The following ADGRB3 variants were observed in gnomAD, a reference collection of about 807,000 sequenced individuals.
ADGRB3 encodes the protein adhesion G protein-coupled receptor B3.
In ADGRB3, 37 loss-of-function variants were observed where a neutral mutation model predicts 193.4. The observed-to-expected ratio is 0.19, with a 90% CI of 0.15 to 0.25. The LOEUF is 0.25. Ranked by LOEUF, ADGRB3 falls within the 10% of genes least tolerant of loss-of-function variation. The probability of loss-of-function intolerance (pLI) is 1.00; values close to 1 mark genes in which losing one functional copy is unlikely to be tolerated. For missense variants in ADGRB3, 1,637 were observed against 1,852.9 expected (o/e 0.88, Z 2.14); for synonymous variants, 690 against 644.2 (o/e 1.07, Z -1.08).
intron 20 of ADGRB3, among the ~76,000 whole-genome samples, chr6:69,242,504 G>C (rs1766406731): frequency 6.6e-6 from 1 of 151,892 alleles, no homozygotes; most frequent in Admixed American, 6.6e-5. Context: ...GTACAGAATA[G>C]TTTTGAAGTG....
chr6:68,983,268 T>G (rs1423077008), intron 10 of ADGRB3, among the ~76,000 whole-genome samples: 2 of 151,782 alleles, frequency 1.3e-5, no homozygotes, highest in Non-Finnish European at 2.9e-5. Context: ...CACTAAAAGC[T>G]GAGGAGATTT....
At chr6:68,871,327 A>G (rs1018406335) in intron 3 of ADGRB3, among the ~76,000 whole-genome samples, 2 of 152,164 alleles carry the variant, frequency 1.3e-5, no homozygotes, top group Non-Finnish European at 2.9e-5. Context: ...GAAACAGATG[A>G]CTGAGGGGAA....
At chr6:69,210,303 G>A (rs1333640230) in intron 17 of ADGRB3, among the ~76,000 whole-genome samples, 1 of 151,486 alleles carries the variant, frequency 6.6e-6, no homozygotes, top group African/African-American at 2.4e-5. Flanking sequence ...AGGGCAGGGA[G>A]CATCCAGCAT....
intron 17 of ADGRB3, among the ~76,000 whole-genome samples, chr6:69,107,444 G>T (rs1463128579): frequency 6.6e-6 from 1 of 152,176 alleles, no homozygotes; most frequent in African/African-American, 2.4e-5. Context: ...TATGCAAGGT[G>T]CTAGGAGTAA....
intron 17 of ADGRB3, among the ~76,000 whole-genome samples, chr6:69,096,920 A>G (rs1205534342): frequency 2.0e-5 from 3 of 152,208 alleles, no homozygotes; most frequent in Admixed American, 6.5e-5. Context: ...AGGAATCCAA[A>G]TGGAATTTGC....
chr6:68,734,225 G>A (rs1239343295), intron 3 of ADGRB3, among the ~76,000 whole-genome samples: 1 of 151,930 alleles, frequency 6.6e-6, no homozygotes, highest in African/African-American at 2.4e-5. Context: ...CATGAGACAT[G>A]AGAAAGAAGG....
intron 13 of ADGRB3, among the ~76,000 whole-genome samples, chr6:69,026,650 G>A (rs566912669): frequency 1.4e-4 from 21 of 152,258 alleles, no homozygotes; most frequent in African/African-American, 5.1e-4. Context: ...GAACATCATA[G>A]AATGTACTTC....
chr6:68,689,355 G>A (rs1328768263), intron 3 of ADGRB3, among the ~76,000 whole-genome samples: 1 of 152,118 alleles, frequency 6.6e-6, no homozygotes, highest in African/African-American at 2.4e-5. Context: ...TCTGGTTGCT[G>A]CTAATATGAG....
Position 69,203,322 on chromosome 6 carries a change from T to G in ADGRB3, c.2481-29968T>G, listed in dbSNP as rs189456732. 9.1e-4 allele frequency among the ~76,000 whole-genome samples: 139 copies of G among 152,248 alleles called. 1 individual carries two copies. Among genetic ancestry groups the G allele is most frequent in the African/African-American group, 3.2e-3 (134 of 41,564 alleles). ...AGCAACTACACCTTGTTATAACCCA[T>G]TCATCAGCAAAACAGGCATTGCCAG... On this transcript the variant is annotated intron_variant, in intron 17 of 31. Transcript: ENST00000370598.
chr6:69,172,643 C>CAAAACAA (rs1775305558), intron 17 of ADGRB3, among the ~76,000 whole-genome samples: 1 of 26,828 alleles, frequency 3.7e-5, no homozygotes, highest in Non-Finnish European at 6.0e-5. Flanking sequence ...GACTCTGTCT[C>CAAAACAA]AAAAAAAAAA....
chr6:69,347,331 A>G (rs570557282), intron 26 of ADGRB3, among the ~76,000 whole-genome samples: 8 of 152,358 alleles, frequency 5.3e-5, no homozygotes, highest in African/African-American at 1.9e-4. Context: ...CGTTCTGCAC[A>G]GTTATCCCAA....
chr6:69,260,433 G>C (rs764429930), intron 20 of ADGRB3, among the ~76,000 whole-genome samples: 1 of 152,124 alleles, frequency 6.6e-6, no homozygotes, highest in Non-Finnish European at 1.5e-5. Flanking sequence ...GCAGAAATAA[G>C]TATTAAATTT....
chr6:69,371,443 G>T (rs1253302994), intron 29 of ADGRB3, among the ~76,000 whole-genome samples: 3 of 151,910 alleles, frequency 2.0e-5, no homozygotes, highest in African/African-American at 7.3e-5. Context: ...ATGGGAGCAC[G>T]GGAAAAATAA....
chr6:69,076,718 A>G (rs775102754), intron 17 of ADGRB3, among the ~76,000 whole-genome samples: 47 of 152,004 alleles, frequency 3.1e-4, no homozygotes, highest in Non-Finnish European at 1.3e-4. Context: ...AGACTCCTAT[A>G]CTTTAAATAC....
chr6:69,258,750 A>C (rs1017859281), intron 20 of ADGRB3, among the ~76,000 whole-genome samples: 3 of 152,238 alleles, frequency 2.0e-5, no homozygotes, highest in Non-Finnish European at 4.4e-5. Flanking sequence ...CAAGAGTAAA[A>C]AGAGACAGGA....
intron 17 of ADGRB3, among the ~76,000 whole-genome samples, chr6:69,173,814 TTC>T (rs1488930316): frequency 6.6e-6 from 1 of 152,156 alleles, no homozygotes; most frequent in Non-Finnish European, 1.5e-5. Flanking sequence ...CTAAAAAACA[TTC>T]TGAGGATGCT....
Position 68,685,017 on chromosome 6 carries a change from G to A in ADGRB3, c.757+45585G>A, listed in dbSNP as rs558155073. ...TCAGGGAAAGACTCAACAGACCCTG[G>A]GAAACTCAGACTAAAAGTTTTCAAC... On this transcript the variant is annotated intron_variant, in intron 3 of 31. Coordinates refer to ENST00000370598, the MANE Select transcript of ADGRB3 (RefSeq NM_001704.3). Among the ~76,000 whole-genome samples the A allele has an allele frequency of 2.0e-5, 3 of 151,914 alleles. No homozygotes were observed. In the South Asian group the frequency reaches 6.3e-4, roughly 32 times the overall value.
intron 4 of ADGRB3, among the ~76,000 whole-genome samples, chr6:68,933,011 G>A (rs904793208): frequency 6.6e-6 from 1 of 150,454 alleles, no homozygotes; most frequent in African/African-American, 2.4e-5. Context: ...ATTTGATAAA[G>A]TAGCATAGTT....
chr6:68,981,883 T>C (rs887588789), intron 10 of ADGRB3, among the ~76,000 whole-genome samples: 2 of 141,904 alleles, frequency 1.4e-5, no homozygotes, highest in African/African-American at 5.1e-5. Context: ...TTTATTTATT[T>C]ATTTATTTAT....
Sources: gnomAD v4.1 joint callset for allele counts (sites outside exome capture counted in the v4.1 genomes callset) on GRCh38, gnomAD v4.1.1 for gene constraint, MANE v1.5 for transcripts, NCBI Gene and HGNC (gene_info 2026-07-23, HGNC 2026-07-21) for gene names.